GNAO1: variants seen among roughly 807,000 people sequenced by gnomAD.
The protein encoded by GNAO1 is guanine nucleotide-binding protein G(o) subunit alpha.
For synonymous variants in GNAO1, 164 were observed against 180.7 expected, an observed-to-expected ratio of 0.91 and a Z score of 0.74; for missense variants, 166 against 478.7, an observed-to-expected ratio of 0.35 and a Z score of 6.10.
chr16:56,346,272 G>T (rs1567494109), intron 6 of GNAO1: 1 of 985,476 alleles, frequency 1.0e-6, no homozygotes, highest in Non-Finnish European at 1.2e-6. Context: ...TGACAAATGA[G>T]ATTTGGCTCC....
At chr16:56,213,140 G>A (rs1277890192) in intron 2 of GNAO1, 1 of 392,858 alleles carries the variant, frequency 2.5e-6, no homozygotes, top group Non-Finnish European at 4.5e-6. Flanking sequence ...TTCTTCCAGG[G>A]AAGAGGGAAT....
In GNAO1 at chr16:56,324,758, C is replaced by T. The variant is rs527292909; in HGVS notation, c.304-3873C>T. 5.9e-5 allele frequency among the ~76,000 whole-genome samples: 9 copies of T among 152,340 alleles called. No homozygotes were observed. The East Asian group carries it at 9.6e-4, about 16-fold the overall frequency. On this transcript the variant is annotated intron_variant, in intron 3 of 8. Coordinates refer to ENST00000262493, the MANE Select transcript of GNAO1 (RefSeq NM_020988.3). ...CAGACCCCACGGGCTGGGTTGTTGG[C>T]GATACTGACCCTTGGATGCTGGGTC...
intron 2 of GNAO1, among the ~76,000 whole-genome samples, chr16:56,244,045 A>C (rs1291304697): frequency 6.6e-6 from 1 of 152,244 alleles, no homozygotes; most frequent in Non-Finnish European, 1.5e-5. Flanking sequence ...GTGGTCACAC[A>C]GCTGGTACAG....
chr16:56,199,505 G>A (rs1483382045), intron 2 of GNAO1, among the ~76,000 whole-genome samples: 1 of 152,188 alleles, frequency 6.6e-6, no homozygotes, highest in Admixed American at 6.5e-5. Context: ...ACTTGCCTGG[G>A]TTAAGGTGCC....
chr16:56,213,416 T>G (rs185945070), intron 2 of GNAO1: 21 of 398,340 alleles, frequency 5.3e-5, no homozygotes, highest in Middle Eastern at 6.3e-4. Flanking sequence ...CATAGTAGTA[T>G]TATACATCAG....
At chr16:56,277,325 A>T (rs542721299) in intron 3 of GNAO1, among the ~76,000 whole-genome samples, 2 of 152,270 alleles carry the variant, frequency 1.3e-5, no homozygotes, top group South Asian at 4.1e-4. Flanking sequence ...GGGTTTGGTC[A>T]CGGAGCCAGG....
At position 56,202,934 on chromosome 16, in the gene GNAO1, C is replaced by T. The variant is rs937156803; in HGVS notation, c.161+10318C>T. On this transcript the variant is annotated intron_variant, in intron 2 of 8. Coordinates refer to ENST00000262493, the MANE Select transcript of GNAO1 (RefSeq NM_020988.3). The stretch of plus-strand genomic sequence containing the variant: ...AGAGGAACCGGGTAATAACCTCATA[C>T]ACAAACAATCGGACGCAGTAATTGC... 7.9e-5 allele frequency among the ~76,000 whole-genome samples: 12 copies of T among 152,354 alleles called. No homozygotes were observed. In the East Asian group the frequency reaches 2.1e-3, roughly 27 times the overall value.
In GNAO1 at chr16:56,354,425, C is replaced by T. The variant is rs547499877; in HGVS notation, c.878-441C>T. 3.3e-5 allele frequency among the ~76,000 whole-genome samples: 5 copies of T among 152,360 alleles called. No individual in the cohort carries two copies. The East Asian group carries it at 5.8e-4, about 18-fold the overall frequency. ...GCGTGGTGGCTCACGTCTGTAATCCCAGCACTTTGGGAGGCCGAGGCAGGT... is the reference window on the plus strand; with the variant it reads ...GCGTGGTGGCTCACGTCTGTAATCCTAGCACTTTGGGAGGCCGAGGCAGGT... On this transcript the variant is annotated intron_variant, in intron 7 of 8. Transcript: ENST00000262493. The surrounding 1 kb of genome is among the most constrained non-coding windows in gnomAD (Gnocchi z 4.3).
intron 6 of GNAO1, chr16:56,347,960 C>T: frequency 2.1e-6 from 2 of 973,202 alleles, no homozygotes; most frequent in Non-Finnish European, 2.4e-6. Flanking sequence ...ACGCACCCCC[C>T]TCCCCCATCT....
At chr16:56,316,592 T>G (rs1382681626) in intron 3 of GNAO1, among the ~76,000 whole-genome samples, 1 of 152,146 alleles carries the variant, frequency 6.6e-6, no homozygotes, top group Non-Finnish European at 1.5e-5. Context: ...CACCTCTCTT[T>G]AATTCCCTCC....
chr16:56,305,422 A>G (rs1168122873), intron 3 of GNAO1, among the ~76,000 whole-genome samples: 1 of 152,234 alleles, frequency 6.6e-6, no homozygotes, highest in Non-Finnish European at 1.5e-5. Context: ...GGGGGTGATC[A>G]GGGAAAGCCT....
intron 3 of GNAO1, among the ~76,000 whole-genome samples, chr16:56,327,581 C>T (rs2143644804): frequency 6.6e-6 from 1 of 152,280 alleles, no homozygotes; most frequent in East Asian, 1.9e-4. Flanking sequence ...CCTGGGATGT[C>T]TGCAGGAGCC....
intron 2 of GNAO1, among the ~76,000 whole-genome samples, chr16:56,233,753 G>A (rs1218382689): frequency 1.3e-5 from 2 of 152,208 alleles, no homozygotes; most frequent in Non-Finnish European, 2.9e-5. Flanking sequence ...TTTTGAAGGG[G>A]GAGTGCTTCT....
At chr16:56,318,595 T>TGCGC (rs1334299183) in intron 3 of GNAO1, among the ~76,000 whole-genome samples, 1 of 152,210 alleles carries the variant, frequency 6.6e-6, no homozygotes, top group Non-Finnish European at 1.5e-5. Context: ...TGTGTGTGCG[T>TGCGC]GCGCGTGCAT....
chr16:56,265,160 C>T (rs775525343), intron 2 of GNAO1, among the ~76,000 whole-genome samples: 77 of 152,224 alleles, frequency 5.1e-4, no homozygotes, highest in Non-Finnish European at 9.6e-4. Context: ...AGCTCTCATT[C>T]GTGAGCAGCC....
chr16:56,249,993 C>T (rs1481952389), intron 2 of GNAO1, among the ~76,000 whole-genome samples: 3 of 152,288 alleles, frequency 2.0e-5, no homozygotes, highest in African/African-American at 4.8e-5. Flanking sequence ...GGACACAGCT[C>T]AGACTTGGCC....
chr16:56,198,402 A>C (rs1288742215), intron 2 of GNAO1, among the ~76,000 whole-genome samples: 1 of 152,222 alleles, frequency 6.6e-6, no homozygotes, highest in African/African-American at 2.4e-5. Flanking sequence ...AGGAGAGAGC[A>C]GTGGCTTGTT....
At position 56,262,055 on chromosome 16, in the gene GNAO1, C is replaced by CCTGGGA. The variant is rs1751335582; in HGVS notation, c.162-13873_162-13868dup. On this transcript the variant is annotated intron_variant, in intron 2 of 8. Transcript: ENST00000262493. ...GGTGTGGATCAGGAACTCACTCAGCCCTGGGACTTAGGCTAGAAGTGGGGA... is the reference window on the plus strand; with the variant it reads ...GGTGTGGATCAGGAACTCACTCAGCCCTGGGACTGGGACTTAGGCTAGAAGTGGGGA... 4.6e-5 allele frequency among the ~76,000 whole-genome samples: 7 copies of CCTGGGA among 152,138 alleles called. No homozygotes were observed. The South Asian group carries it at 1.5e-3, about 32-fold the overall frequency.
At chr16:56,246,855 G>A (rs776347381) in intron 2 of GNAO1, among the ~76,000 whole-genome samples, 5 of 152,114 alleles carry the variant, frequency 3.3e-5, no homozygotes, top group African/African-American at 1.2e-4. Context: ...TTTAAAGAGC[G>A]AATGTTTAAT....
Sources: gnomAD v4.1 joint callset for allele counts (sites outside exome capture counted in the v4.1 genomes callset) on GRCh38, gnomAD v4.1.1 for gene constraint, Gnocchi (gnomAD v3.1) non-coding constraint, MANE v1.5 for transcripts, NCBI Gene and HGNC (gene_info 2026-07-23, HGNC 2026-07-21) for gene names.